The following FADS2 variants were observed in gnomAD, a reference collection of about 807,000 sequenced individuals.
FADS2 encodes acyl-CoA 6-desaturase.
In FADS2, 18 loss-of-function variants were observed where a neutral mutation model predicts 61.2. The ratio of observed to expected loss-of-function variants is 0.29; its 90% CI spans 0.20 to 0.44. The LOEUF (loss-of-function observed/expected upper bound fraction) is 0.44. Ranked by LOEUF, FADS2 falls within the 20% of genes least tolerant of loss-of-function variation. The probability of loss-of-function intolerance (pLI) is 1.00; values close to 1 mark genes in which losing one functional copy is unlikely to be tolerated. For synonymous variants in FADS2, 203 were observed against 223.9 expected (o/e 0.91, Z 0.83); for missense variants, 322 against 572.7 (o/e 0.56, Z 4.47).
At position 61,816,830 on chromosome 11, in the gene FADS2, A is replaced by T. The variant is rs1277352574; in HGVS notation, c.141+404A>T. ...CGCGTGCTCGGGGTCCGCGGGCTCCAGGAGTGGATTTGCTGGCGCGCGCCC... is the reference window on the plus strand; with the variant it reads ...CGCGTGCTCGGGGTCCGCGGGCTCCTGGAGTGGATTTGCTGGCGCGCGCCC... On this transcript the variant is annotated intron_variant, in intron 1 of 11. Transcript: ENST00000257261. The surrounding 1 kb of genome is among the most constrained non-coding windows in gnomAD (Gnocchi z 7.0). 2 of 1,492,640 alleles carry T rather than the reference A, an allele frequency of 1.3e-6. No individual in the cohort carries two copies. The highest frequency in any genetic ancestry group is 2.9e-5 in the African/African-American group (2 of 68,240). 92.5% of individuals were successfully genotyped at this position (1,492,640 alleles called of 1,614,324 possible).
At chr11:61,819,754 T>C (rs554914877) in intron 1 of FADS2, among the ~76,000 whole-genome samples, 6 of 152,292 alleles carry the variant, frequency 3.9e-5, no homozygotes, top group African/African-American at 1.4e-4. Flanking sequence ...TTAAGGTACA[T>C]ATGCACAACA....
In FADS2 at chr11:61,863,730, G is replaced by A. The variant is rs539070638; in HGVS notation, c.1101G>A (p.Glu367=). The change falls in exon 10 of 12, where the codon GAG becomes GAA. Residue 367 remains glutamate (E), a synonymous_variant. Coordinates refer to ENST00000278840, the MANE Select transcript of FADS2 (RefSeq NM_004265.4). The stretch of plus-strand genomic sequence containing the variant: ...AGCTGACAGCCACCTGCAACGTGGA[G>A]CAGTCCTTCTTCAACGACTGGTTCA... ...SSQLTATCNV[E]QSFFNDWFSG... 1.1e-5 allele frequency: 17 copies of A among 1,614,164 alleles called. No homozygotes were observed. In the South Asian group the frequency reaches 1.5e-4, roughly 15 times the overall value.
intron 4 of FADS2, among the ~76,000 whole-genome samples, chr11:61,841,986 T>C (rs1248189358): frequency 1.3e-5 from 2 of 152,218 alleles, no homozygotes; most frequent in African/African-American, 4.8e-5. Flanking sequence ...ACAGGCGTTA[T>C]CTCCTCAGTT....
intron 7 of FADS2, among the ~76,000 whole-genome samples, chr11:61,858,550 G>A (rs2067384995): frequency 6.6e-6 from 1 of 151,604 alleles, no homozygotes; most frequent in African/African-American, 2.4e-5. Context: ...TTAAAATAGG[G>A]ACATTGGTCA....
At chr11:61,852,591 A>T (rs915432986) in intron 5 of FADS2, among the ~76,000 whole-genome samples, 13 of 152,074 alleles carry the variant, frequency 8.5e-5, no homozygotes, top group African/African-American at 3.1e-4. Context: ...TGTCTCATGG[A>T]TGTTTCTTTT....
chr11:61,829,576 C>T (rs2067110764), intron 1 of FADS2, among the ~76,000 whole-genome samples: 1 of 152,066 alleles, frequency 6.6e-6, no homozygotes, highest in Non-Finnish European at 1.5e-5. Flanking sequence ...AGCTGGTATC[C>T]CATGGATTCG....
At chr11:61,824,831 C>G (rs2067069670), upstream of FADS2, among the ~76,000 whole-genome samples, 1 of 152,158 alleles carries the variant, frequency 6.6e-6, no homozygotes, top group Non-Finnish European at 1.5e-5. Context: ...ATTATTTCTG[C>G]TAGCGTAGCT....
Position 61,850,358 on chromosome 11 carries a change from C to A in FADS2, c.744+2074C>A, listed in dbSNP as rs574270847. On this transcript the variant is annotated intron_variant, in intron 5 of 11. Transcript: ENST00000278840. ...CTCCACCTCCCAGGTTCAAGTGATT[C>A]TCCTGCCTCAGCCTCCCGAGTAGAT... Among the ~76,000 whole-genome samples the A allele has an allele frequency of 2.0e-4, 30 of 152,258 alleles. No homozygotes were observed. In the South Asian group the frequency reaches 6.2e-3, roughly 32 times the overall value.
Position 61,828,405 on chromosome 11 carries a change from G to C in FADS2, c.15G>C (p.Gly5=), listed in dbSNP as rs2067100975. The part of the protein sequence containing the change: MGKG[G]NQGEGAAERE... ...CGGCAGGCAGCATGGGGAAGGGAGG[G>C]AACCAGGGCGAGGGGGCCGCCGAGC... The change falls in exon 1 of 12, where the codon GGG becomes GGC. Residue 5 remains glycine (G), a synonymous_variant. Transcript: ENST00000278840. The surrounding 1 kb of genome is among the most constrained non-coding windows in gnomAD (Gnocchi z 6.4). The C allele has an allele frequency of 1.9e-6, 3 of 1,567,472 alleles. No homozygotes were observed. Among genetic ancestry groups the C allele is most frequent in the East Asian group, 4.6e-5 (2 of 43,106 alleles).
At chr11:61,855,799 C>T (rs895433739) in intron 5 of FADS2, 1 of 152,334 alleles carries the variant, frequency 6.6e-6, no homozygotes, top group Non-Finnish European at 1.5e-5. Flanking sequence ...CATCCAAGGT[C>T]CCTTCCCTCT....
At chr11:61,853,882 T>A (rs2067332398) in intron 5 of FADS2, among the ~76,000 whole-genome samples, 1 of 152,098 alleles carries the variant, frequency 6.6e-6, no homozygotes, top group Non-Finnish European at 1.5e-5. Flanking sequence ...CCCTTGTCAT[T>A]CCTCAGACAT....
chr11:61,833,957 C>T (rs2067150050), intron 1 of FADS2, among the ~76,000 whole-genome samples: 4 of 152,206 alleles, frequency 2.6e-5, no homozygotes, highest in Admixed American at 2.6e-4. Flanking sequence ...CAGGCCTTCC[C>T]AACTGGGGTT....
At chr11:61,851,286 G>A (rs1221564981) in intron 5 of FADS2, among the ~76,000 whole-genome samples, 6 of 152,210 alleles carry the variant, frequency 3.9e-5, no homozygotes, top group Non-Finnish European at 8.8e-5. Context: ...GCACTGGCAA[G>A]AAGGCGTCTT....
At chr11:61,846,273 C>T (rs93923) in intron 4 of FADS2, among the ~76,000 whole-genome samples, 23,508 of 151,906 alleles carry the variant, frequency 0.15, 2,371 homozygotes, top group Admixed American at 0.26. Context: ...CCCGCCACCA[C>T]GCCCAGATAA....
intron 4 of FADS2, among the ~76,000 whole-genome samples, chr11:61,841,531 C>T (rs544251082): frequency 1.3e-4 from 20 of 149,776 alleles, no homozygotes; most frequent in Middle Eastern, 3.4e-3. Flanking sequence ...AGACCCCCCC[C>T]CATCTCTCAA....
In FADS2 at chr11:61,816,362, T is replaced by C; in HGVS notation, c.77T>C (p.Leu26Pro). 1.3e-6 allele frequency: 2 copies of C among 1,598,388 alleles called. No individual in the cohort carries two copies. The highest frequency in any genetic ancestry group is 1.7e-6 in the Non-Finnish European group (2 of 1,179,778). Reference sequence around the variant, plus strand: ...TCCATCCCCACTCCCCAGACTCCACTTCTCCAGGCCTCTCTCCCGCCTTTT... The same window carrying C: ...TCCATCCCCACTCCCCAGACTCCACCTCTCCAGGCCTCTCTCCCGCCTTTT... Residue 26 changes from leucine (L) to proline (P), a missense_variant, in exon 1 of 12, where the codon CTT becomes CCT. Transcript: ENST00000257261. This position sits in a 1 kb window ranked among gnomAD's most constrained non-coding sequence, Gnocchi z 7.0.
chr11:61,828,350 G>T lies in FADS2; in HGVS notation c.-41G>T, dbSNP rs1377560244. On this transcript the variant is annotated 5_prime_UTR_variant, in exon 1 of 12. Transcript: ENST00000278840. This position sits in a 1 kb window ranked among gnomAD's most constrained non-coding sequence, Gnocchi z 6.4. ...GTCTGTGCAGCGAGCAGCCGGCGCG[G>T]GGAGGCCGCAGTGCACGGGGCGTCA... 1 of 1,544,556 alleles carries T rather than the reference G, an allele frequency of 6.5e-7. No individual in the cohort carries two copies. The highest frequency in any genetic ancestry group is 2.0e-5 in the Admixed American group (1 of 50,748).
intron 4 of FADS2, among the ~76,000 whole-genome samples, chr11:61,841,713 A>G (rs1460059191): frequency 6.6e-6 from 1 of 152,136 alleles, no homozygotes; most frequent in African/African-American, 2.4e-5. Flanking sequence ...CTTCCGTTAT[A>G]TATGAGTCTT....
In FADS2 at chr11:61,854,415, A is replaced by G. The variant is rs184368378; in HGVS notation, c.745-2596A>G. ...GATGGAACAGCTAAGGCCAAGAGAC[A>G]TGAAGTGACTTGTTCAAGGTAACAG... On this transcript the variant is annotated intron_variant, in intron 5 of 11. Transcript: ENST00000278840. 3 of 152,426 alleles carry G rather than the reference A, an allele frequency of 2.0e-5. No individual in the cohort carries two copies. The East Asian group carries it at 5.8e-4, about 29-fold the overall frequency. The allele number at this position is 152,426 out of a possible 1,614,324, so 9.4% of individuals were successfully genotyped here. A position where few individuals can be genotyped will look rare whatever the true frequency, so the allele number is the denominator to read the frequency against.
Sources: gnomAD v4.1 joint callset for allele counts (sites outside exome capture counted in the v4.1 genomes callset) on GRCh38, gnomAD v4.1.1 for gene constraint, Gnocchi (gnomAD v3.1) non-coding constraint, MANE v1.5 for transcripts, NCBI Gene and HGNC (gene_info 2026-07-23, HGNC 2026-07-21) for gene names.